Variants in NMNAT2 observed in about 807,000 individuals in gnomAD.
NMNAT2 encodes nicotinamide/nicotinic acid mononucleotide adenylyltransferase 2.
NMNAT2 carries 11 observed loss-of-function variants against 41.6 expected under a neutral mutation model. That is an observed-to-expected ratio of 0.26 (90% confidence interval 0.17 to 0.44). The LOEUF (loss-of-function observed/expected upper bound fraction) is 0.44, where lower values mean the gene tolerates loss of function less well. Ranked by LOEUF, NMNAT2 falls within the 20% of genes least tolerant of loss-of-function variation. The pLI is 1.00. For synonymous variants in NMNAT2, 148 were observed against 151.2 expected (o/e 0.98, Z 0.16); for missense variants, 288 against 407.7 (o/e 0.71, Z 2.53).
chr1:183,269,050 A>G (rs1048120407), intron 8 of NMNAT2, among the ~76,000 whole-genome samples: 15 of 152,214 alleles, frequency 9.9e-5, no homozygotes, highest in African/African-American at 3.6e-4. Flanking sequence ...AGCCTGGGTG[A>G]TAGAGTGTGA....
chr1:183,278,674 C>A, intron 7 of NMNAT2, 45 bp from the exon 8 acceptor site: 1 of 1,400,516 alleles, frequency 7.1e-7, no homozygotes, highest in East Asian at 2.3e-5. Context: ...AGTGGTGGCC[C>A]GGGAAGCATT....
intron 1 of NMNAT2, among the ~76,000 whole-genome samples, chr1:183,390,461 G>T (rs1177753540): frequency 1.3e-5 from 2 of 152,158 alleles, no homozygotes; most frequent in Non-Finnish European, 2.9e-5. Context: ...CACACATTAT[G>T]ATTTCTAGGA....
rs1471944448 is a variant in NMNAT2 at position 183,290,141 on chromosome 1, C to T, written c.308G>A (p.Arg103Gln). The stretch of plus-strand genomic sequence containing the variant: ...GGCCCAGCTCACCTTCATGAGGTCC[C>T]GGTGGTGTTCCAACACGCTGCAGGT... ...QTTCSVLEHH[R>Q]DLMKRVTGCI... Residue 103 changes from arginine (R) to glutamine (Q), a missense_variant, in exon 4 of 11, where the codon CGG becomes CAG. Coordinates refer to ENST00000287713, the MANE Select transcript of NMNAT2 (RefSeq NM_015039.4). 7 of 1,580,234 alleles carry T rather than the reference C, an allele frequency of 4.4e-6. No homozygotes were observed. Among genetic ancestry groups the T allele is most frequent in the Non-Finnish European group, 6.0e-6 (7 of 1,161,850 alleles).
intron 1 of NMNAT2, among the ~76,000 whole-genome samples, chr1:183,317,189 G>T (rs1171831498): frequency 1.3e-5 from 2 of 152,226 alleles, no homozygotes; most frequent in East Asian, 3.9e-4. Context: ...GGCCTGGCTG[G>T]TCAGCCGTTT....
intron 8 of NMNAT2, among the ~76,000 whole-genome samples, chr1:183,272,424 A>G (rs569833999): frequency 6.6e-6 from 1 of 152,278 alleles, no homozygotes; most frequent in South Asian, 2.1e-4. Context: ...GTTCTATTAC[A>G]CTTGAGAGAA....
intron 1 of NMNAT2, among the ~76,000 whole-genome samples, chr1:183,369,263 CT>C (rs55925461): frequency 0.14 from 19,929 of 139,840 alleles, 1,228 homozygotes; most frequent in South Asian, 0.24. Flanking sequence ...CTTTTCTTTT[CT>C]TTTTTTTTTT....
chr1:183,338,815 G>T (rs1381576366), intron 1 of NMNAT2, among the ~76,000 whole-genome samples: 1 of 152,192 alleles, frequency 6.6e-6, no homozygotes. Context: ...CAATGAGACA[G>T]TGCTGGCTTG....
rs57569629 is a variant in NMNAT2, at chr1:183,370,223, T to TACACACAC, written c.85+47952_85+47959dup. ...ACTTCCTACCACTACTATCAACACA[T>TACACACAC]ACACACACACACACACACACACACA... On this transcript the variant is annotated intron_variant, in intron 1 of 10. Transcript: ENST00000287713. 8.3e-3 allele frequency among the ~76,000 whole-genome samples: 938 copies of TACACACAC among 112,808 alleles called. 38 individuals carry two copies. Among genetic ancestry groups the TACACACAC allele is most frequent in the Non-Finnish European group, 9.8e-3 (529 of 54,078 alleles). The allele number at this position is 112,808 out of a possible 152,430, so 74.0% of individuals were successfully genotyped here.
intron 1 of NMNAT2, among the ~76,000 whole-genome samples, chr1:183,313,620 G>C (rs1191890338): frequency 1.3e-5 from 2 of 151,998 alleles, no homozygotes; most frequent in African/African-American, 4.8e-5. Context: ...CTGGTAGCTG[G>C]GATTACAGGC....
chr1:183,339,964 A>G (rs1662760168), intron 1 of NMNAT2, among the ~76,000 whole-genome samples: 1 of 151,850 alleles, frequency 6.6e-6, no homozygotes, highest in Admixed American at 6.5e-5. Context: ...ACAAGAACAC[A>G]TAAAAGGGGA....
chr1:183,268,910 A>C (rs1295368416), intron 8 of NMNAT2, among the ~76,000 whole-genome samples: 1 of 151,982 alleles, frequency 6.6e-6, no homozygotes, highest in Non-Finnish European at 1.5e-5. Flanking sequence ...AAATTAGCTG[A>C]GTGTGTTGGC....
chr1:183,393,978 T>C (rs1648560936), intron 1 of NMNAT2, among the ~76,000 whole-genome samples: 2 of 152,228 alleles, frequency 1.3e-5, no homozygotes, highest in Admixed American at 6.5e-5. Context: ...ATGGACTTTA[T>C]ATTCTCAGAG....
In NMNAT2 at chr1:183,248,374, T is replaced by G. The variant is rs2102263862; in HGVS notation, c.*4267A>C. The stretch of plus-strand genomic sequence containing the variant: ...ATTGCAACTTGAATATCATTTTTTA[T>G]TAATGAATTGATTTCCATAAAGCAA... On this transcript the variant is annotated 3_prime_UTR_variant, in exon 11 of 11. Coordinates refer to ENST00000287713, the MANE Select transcript of NMNAT2 (RefSeq NM_015039.4). 6.5e-6 allele frequency: 1 copy of G among 152,792 alleles called. No individual in the cohort carries two copies. Among genetic ancestry groups the G allele is most frequent in the African/African-American group, 2.4e-5 (1 of 41,580 alleles). 9.5% of individuals were successfully genotyped at this position (152,792 alleles called of 1,614,324 possible). A position where few individuals can be genotyped will look rare whatever the true frequency, so the allele number is the denominator to read the frequency against.
intron 1 of NMNAT2, among the ~76,000 whole-genome samples, chr1:183,357,249 A>C (rs1260087221): frequency 2.9e-5 from 2 of 69,436 alleles, no homozygotes; most frequent in Admixed American, 4.4e-4. Flanking sequence ...TTTTTTTTTG[A>C]GAGGAAGTCT....
intron 1 of NMNAT2, among the ~76,000 whole-genome samples, chr1:183,388,073 C>T (rs1030019453): frequency 1.3e-5 from 2 of 152,196 alleles, no homozygotes; most frequent in Admixed American, 6.5e-5. Context: ...ACTCACAAAG[C>T]AGGTACAATG....
intron 1 of NMNAT2, among the ~76,000 whole-genome samples, chr1:183,348,343 T>A (rs1169079803): frequency 1.4e-4 from 22 of 152,196 alleles, no homozygotes; most frequent in Non-Finnish European, 2.9e-5. Flanking sequence ...TAGAAGTAAT[T>A]TATTCTGGGA....
intron 1 of NMNAT2, among the ~76,000 whole-genome samples, chr1:183,359,004 G>T (rs904680324): frequency 6.6e-6 from 1 of 152,128 alleles, no homozygotes; most frequent in African/African-American, 2.4e-5. Context: ...CAGCTGGACA[G>T]ATATAGTGCA....
At chr1:183,259,522 A>G (rs953185126) in intron 10 of NMNAT2, among the ~76,000 whole-genome samples, 1 of 152,128 alleles carries the variant, frequency 6.6e-6, no homozygotes, top group Non-Finnish European at 1.5e-5. Context: ...TTAACTTTCT[A>G]TTAAATGCTA....
chr1:183,339,129 G>A (rs1402953344), intron 1 of NMNAT2, among the ~76,000 whole-genome samples: 8 of 151,872 alleles, frequency 5.3e-5, no homozygotes, highest in Non-Finnish European at 1.0e-4. Context: ...ATGGAGTCTC[G>A]CTCTGTCGCC....
Sources: gnomAD v4.1 joint callset for allele counts (sites outside exome capture counted in the v4.1 genomes callset) on GRCh38, gnomAD v4.1.1 for gene constraint, MANE v1.5 for transcripts, NCBI Gene and HGNC (gene_info 2026-07-23, HGNC 2026-07-21) for gene names.